The following LRRTM4 variants were observed in gnomAD, a reference collection of about 807,000 sequenced individuals.
LRRTM4 encodes leucine rich repeat transmembrane neuronal 4, also known as leucine-rich repeat transmembrane neuronal protein 4.
A neutral mutation model predicts 47.6 loss-of-function variants in LRRTM4; 25 were observed. The ratio of observed to expected loss-of-function variants is 0.53; its 90% confidence interval spans 0.38 to 0.73. The LOEUF (loss-of-function observed/expected upper bound fraction) is 0.73, where lower values mean the gene tolerates loss of function less well. LRRTM4 is among the 30% of genes least tolerant of loss of function. LRRTM4 has a pLI of 0.00. For synonymous variants in LRRTM4, 311 were observed against 269.5 expected (o/e 1.15, Z -1.51); for missense variants, 638 against 713.4 (o/e 0.89, Z 1.20).
intron 3 of LRRTM4, among the ~76,000 whole-genome samples, chr2:76,951,635 T>G (rs901568834): frequency 2.6e-5 from 4 of 151,964 alleles, no homozygotes; most frequent in African/African-American, 9.7e-5. Context: ...TTTCTTTTAC[T>G]TTAACTTCTG....
At chr2:77,194,660 T>C (rs1211219347) in intron 3 of LRRTM4, among the ~76,000 whole-genome samples, 1 of 152,156 alleles carries the variant, frequency 6.6e-6, no homozygotes, top group Non-Finnish European at 1.5e-5. Context: ...AAAAAAAAGA[T>C]GTCTTTCTCT....
chr2:76,794,501 G>C lies in LRRTM4; in HGVS notation c.1552-45585C>G, dbSNP rs567827620. Among the ~76,000 whole-genome samples the C allele has an allele frequency of 1.6e-4, 25 of 152,156 alleles. No individual in the cohort carries two copies. The South Asian group carries it at 4.8e-3, about 29-fold the overall frequency. ...CAAAATTTCACTTATTACTGGTATA[G>C]GCAAACATTTGCACCTCTTCTATAT... is the stretch of plus-strand genomic sequence containing the variant. On this transcript the variant is annotated intron_variant, in intron 3 of 3. Transcript: ENST00000409884.
chr2:76,819,616 C>A (rs1670998235), intron 3 of LRRTM4, among the ~76,000 whole-genome samples: 1 of 151,780 alleles, frequency 6.6e-6, no homozygotes, highest in South Asian at 2.1e-4. Context: ...AATTGGAAAT[C>A]AAAGACTTTG....
chr2:77,387,921 A>C (rs142167453), intron 3 of LRRTM4, among the ~76,000 whole-genome samples: 1 of 152,124 alleles, frequency 6.6e-6, no homozygotes, highest in African/African-American at 2.4e-5. Context: ...GATAGTAAAA[A>C]AAAAATTGAT....
chr2:77,023,768 A>C (rs1678355469), intron 3 of LRRTM4, among the ~76,000 whole-genome samples: 1 of 152,180 alleles, frequency 6.6e-6, no homozygotes, highest in Non-Finnish European at 1.5e-5. Flanking sequence ...AGGGAGTTGC[A>C]AACTTTCCCA....
intron 3 of LRRTM4, among the ~76,000 whole-genome samples, chr2:77,010,501 TACACAC>T (rs34456976): frequency 0.04 from 5,637 of 139,848 alleles, 343 homozygotes; most frequent in African/African-American, 0.14. Flanking sequence ...TTGTATTGTT[TACACAC>T]ACACACACAC....
intron 3 of LRRTM4, among the ~76,000 whole-genome samples, chr2:77,444,622 GA>G (rs927284601): frequency 6.6e-6 from 1 of 151,380 alleles, no homozygotes; most frequent in Admixed American, 6.6e-5. Flanking sequence ...TAACTTGGGG[GA>G]AAAAACACCA....
rs1206664063 is a variant in LRRTM4 at position 76,974,223 on chromosome 2, C to CATACATATATATATATACATATATATAT, written c.1552-225335_1552-225308dup. On this transcript the variant is annotated intron_variant, in intron 3 of 3. Transcript: ENST00000409884. ...ATATATATATATACACATATATATACATACATATATATATATACATATATA... is the reference window on the plus strand; with the variant it reads ...ATATATATATATACACATATATATACATACATATATATATATACATATATATATATACATATATATATATACATATATA... Among the ~76,000 whole-genome samples the CATACATATATATATATACATATATATAT allele has an allele frequency of 2.6e-5, 3 of 115,978 alleles. No homozygotes were observed. The South Asian group carries it at 7.4e-4, about 29-fold the overall frequency. 76.1% of individuals were successfully genotyped at this position (115,978 alleles called of 152,430 possible). A position where few individuals can be genotyped will look rare whatever the true frequency, so the allele number is the denominator to read the frequency against.
At chr2:77,179,718 G>T (rs1417170440) in intron 3 of LRRTM4, among the ~76,000 whole-genome samples, 1 of 152,086 alleles carries the variant, frequency 6.6e-6, no homozygotes, top group Non-Finnish European at 1.5e-5. Context: ...GAGCCAACTT[G>T]TTTTATTACT....
At chr2:77,361,248 AT>A in intron 3 of LRRTM4, among the ~76,000 whole-genome samples, 1 of 148,482 alleles carries the variant, frequency 6.7e-6, no homozygotes, top group African/African-American at 2.5e-5. Context: ...AAAAAAAAAA[AT>A]TGGGTAGTAA....
chr2:77,495,182 C>A lies in LRRTM4; in HGVS notation c.1551+23136G>T, dbSNP rs181552773. Among the ~76,000 whole-genome samples the A allele has an allele frequency of 2.5e-3, 357 of 144,696 alleles. 7 individuals are homozygous for A. Among genetic ancestry groups the A allele is most frequent in the Middle Eastern group, 3.6e-3 (1 of 278 alleles). The allele number at this position is 144,696 out of a possible 152,430, so 94.9% of individuals were successfully genotyped here. ...ACCTAAAAATCAAAGGGCTAAGTAC[C>A]TGGTTAGGTTCATGTTTAACTTTAA... On this transcript the variant is annotated intron_variant, in intron 3 of 3. Transcript: ENST00000409884.
At chr2:77,472,079 C>T (rs1677210063) in intron 3 of LRRTM4, among the ~76,000 whole-genome samples, 1 of 152,114 alleles carries the variant, frequency 6.6e-6, no homozygotes. Context: ...CATATTTAAA[C>T]CAGTGTCCTC....
chr2:76,935,626 G>A (rs1274508975), intron 3 of LRRTM4, among the ~76,000 whole-genome samples: 1 of 152,090 alleles, frequency 6.6e-6, no homozygotes, highest in African/African-American at 2.4e-5. Flanking sequence ...GTGAATGAGA[G>A]TTCACTCATG....
At chr2:76,884,064 C>A (rs1426415298) in intron 3 of LRRTM4, among the ~76,000 whole-genome samples, 3 of 151,468 alleles carry the variant, frequency 2.0e-5, no homozygotes, top group African/African-American at 2.4e-5. Context: ...AAGTAATCCA[C>A]CCACCTCGAC....
intron 3 of LRRTM4, among the ~76,000 whole-genome samples, chr2:77,294,699 G>T (rs1440961464): frequency 5.3e-5 from 8 of 151,982 alleles, no homozygotes; most frequent in African/African-American, 1.9e-4. Context: ...TCTTCTCAGA[G>T]GTATTGGATA....
intron 3 of LRRTM4, among the ~76,000 whole-genome samples, chr2:77,081,616 C>CA (rs75992904): frequency 0.031 from 4,783 of 152,038 alleles, 159 homozygotes; most frequent in East Asian, 0.11. Context: ...ACTTTCTTCC[C>CA]AAAAAATGGC....
chr2:76,929,140 G>T (rs1463619869), intron 3 of LRRTM4, among the ~76,000 whole-genome samples: 1 of 152,160 alleles, frequency 6.6e-6, no homozygotes, highest in Non-Finnish European at 1.5e-5. Context: ...AGCCTCTCAG[G>T]AGGAGCTCTG....
intron 3 of LRRTM4, among the ~76,000 whole-genome samples, chr2:76,929,652 A>G (rs1674702594): frequency 6.6e-6 from 1 of 152,150 alleles, no homozygotes; most frequent in African/African-American, 2.4e-5. Context: ...AAACAAGTGA[A>G]GTCCAGCATA....
intron 3 of LRRTM4, among the ~76,000 whole-genome samples, chr2:77,085,646 T>C (rs907337638): frequency 8.5e-5 from 13 of 152,250 alleles, no homozygotes; most frequent in Admixed American, 2.0e-4. Context: ...CTTGACACAA[T>C]TGCTTTAATT....
Sources: gnomAD v4.1 joint callset for allele counts (sites outside exome capture counted in the v4.1 genomes callset) on GRCh38, gnomAD v4.1.1 for gene constraint, MANE v1.5 for transcripts, NCBI Gene and HGNC (gene_info 2026-07-23, HGNC 2026-07-21) for gene names.